The following LRBA variants were observed in gnomAD, a reference collection of about 807,000 sequenced individuals.
The protein encoded by LRBA is lipopolysaccharide-responsive and beige-like anchor protein.
In LRBA, 176 loss-of-function variants were observed where a neutral mutation model predicts 330.0. The ratio of observed to expected loss-of-function variants is 0.53; its 90% CI spans 0.47 to 0.60. The LOEUF is 0.60. Among genes scored for constraint, LRBA ranks in the 20% least tolerant of loss-of-function variants. The pLI is 0.00. For synonymous variants in LRBA, 1,230 were observed against 1,193.0 expected (o/e 1.03, Z -0.64); for missense variants, 3,259 against 3,444.8 (o/e 0.95, Z 1.35).
chr4:150,807,698 T>C (rs1743010862), intron 32 of LRBA, among the ~76,000 whole-genome samples: 1 of 152,002 alleles, frequency 6.6e-6, no homozygotes, highest in African/African-American at 2.4e-5. Flanking sequence ...CAGGCTGGAG[T>C]GCAGTGGTGC....
intron 37 of LRBA, among the ~76,000 whole-genome samples, chr4:150,654,946 T>C (rs1258749562): frequency 6.6e-6 from 1 of 152,172 alleles, no homozygotes; most frequent in Non-Finnish European, 1.5e-5. Context: ...TCTATCATTG[T>C]TGGACATTTG....
At chr4:150,395,616 G>C (rs1307101742) in intron 47 of LRBA, among the ~76,000 whole-genome samples, 1 of 151,994 alleles carries the variant, frequency 6.6e-6, no homozygotes, top group Non-Finnish European at 1.5e-5. Flanking sequence ...AGCAGTTCCT[G>C]GCTGTCTGTA....
intron 44 of LRBA, among the ~76,000 whole-genome samples, chr4:150,466,371 G>C (rs977848755): frequency 3.9e-5 from 6 of 152,082 alleles, no homozygotes; most frequent in Non-Finnish European, 7.4e-5. Flanking sequence ...GGGATCTGCA[G>C]ACACTGGGCA....
intron 28 of LRBA, among the ~76,000 whole-genome samples, chr4:150,834,174 T>C (rs2126836831): frequency 6.6e-6 from 1 of 152,320 alleles, no homozygotes; most frequent in South Asian, 2.1e-4. Flanking sequence ...AATCAATTTC[T>C]TCCAAACTCC....
At chr4:150,758,272 T>C (rs569185742) in intron 35 of LRBA, among the ~76,000 whole-genome samples, 14 of 152,306 alleles carry the variant, frequency 9.2e-5, no homozygotes, top group African/African-American at 2.6e-4. Context: ...TCCTGCTTTG[T>C]TCTAAATGAA....
chr4:150,864,444 C>T (rs749302350), intron 22 of LRBA, among the ~76,000 whole-genome samples: 2 of 151,832 alleles, frequency 1.3e-5, no homozygotes, highest in African/African-American at 2.4e-5. Context: ...AAGAAGAGTG[C>T]CATTATTTCA....
intron 47 of LRBA, among the ~76,000 whole-genome samples, chr4:150,397,048 G>A (rs940348978): frequency 2.6e-5 from 4 of 151,980 alleles, no homozygotes; most frequent in Non-Finnish European, 5.9e-5. Context: ...AAACACTGAC[G>A]CTTTAAGACA....
At chr4:150,974,940 A>C (rs1739982214) in intron 2 of LRBA, among the ~76,000 whole-genome samples, 1 of 152,250 alleles carries the variant, frequency 6.6e-6, no homozygotes. Context: ...TATAGAAAGC[A>C]GGCCAAAACT....
chr4:150,639,795 ATATATATATATGTGTGTGTGTG>A (rs1778397494), intron 37 of LRBA, among the ~76,000 whole-genome samples: 3 of 4,526 alleles, frequency 6.6e-4, no homozygotes, highest in East Asian at 9.4e-3. Flanking sequence ...GTGTGTGTAT[ATATATATATATGTGTGTGTGTG>A]TGTATATATA....
chr4:150,725,517 A>T (rs1729552174), intron 36 of LRBA, among the ~76,000 whole-genome samples: 1 of 152,226 alleles, frequency 6.6e-6, no homozygotes, highest in Admixed American at 6.5e-5. Flanking sequence ...GGAGATAAAA[A>T]GACTTTCCCA....
chr4:150,523,143 A>G (rs956809547), intron 40 of LRBA, among the ~76,000 whole-genome samples: 1 of 152,214 alleles, frequency 6.6e-6, no homozygotes, highest in Non-Finnish European at 1.5e-5. Flanking sequence ...GAAGGAGTTA[A>G]GACTTTTGGT....
At chr4:150,945,044 A>C (rs930902650) in intron 2 of LRBA, among the ~76,000 whole-genome samples, 1 of 152,064 alleles carries the variant, frequency 6.6e-6, no homozygotes, top group African/African-American at 2.4e-5. Flanking sequence ...ATTAAAACTC[A>C]CTTTCTTTAT....
chr4:150,973,326 C>A (rs758950977), intron 2 of LRBA, among the ~76,000 whole-genome samples: 37 of 152,054 alleles, frequency 2.4e-4, no homozygotes, highest in Non-Finnish European at 4.4e-4. Flanking sequence ...CGCCACCACG[C>A]CCAGCTAATT....
At chr4:150,963,215 A>ACGGTCTCCCT (rs1738370461) in intron 2 of LRBA, among the ~76,000 whole-genome samples, 1 of 140,748 alleles carries the variant, frequency 7.1e-6, no homozygotes. Context: ...TCCCCTTTGC[A>ACGGTCTCCCT]CGGTCTCCCT....
At chr4:150,993,135 T>G (rs1358747611) in intron 2 of LRBA, among the ~76,000 whole-genome samples, 1 of 151,944 alleles carries the variant, frequency 6.6e-6, no homozygotes, top group African/African-American at 2.4e-5. Flanking sequence ...AAATAAAATT[T>G]AAAGAAATTA....
chr4:150,930,345 T>C (rs1734363281), intron 2 of LRBA, among the ~76,000 whole-genome samples: 1 of 151,514 alleles, frequency 6.6e-6, no homozygotes, highest in Non-Finnish European at 1.5e-5. Flanking sequence ...TACAAAAACT[T>C]AGCCAGGCAT....
At chr4:150,486,377 G>A (rs1178105929) in intron 42 of LRBA, among the ~76,000 whole-genome samples, 1 of 151,512 alleles carries the variant, frequency 6.6e-6, no homozygotes, top group Non-Finnish European at 1.5e-5. Flanking sequence ...AGTACTTCAA[G>A]GTAGCATATT....
chr4:150,435,724 TA>T lies in LRBA; in HGVS notation c.6922-17del, dbSNP rs1276074852. Reference sequence around the variant, plus strand: ...TAAAGGGTTCCTAAAAAATAGCAATTAAAAAAATCCATATGTTCCCTCAGGC... The same window carrying T: ...TAAAGGGTTCCTAAAAAATAGCAATTAAAAAATCCATATGTTCCCTCAGGC... On this transcript the variant is annotated splice_polypyrimidine_tract_variant and intron_variant, in intron 45 of 56. Transcript: ENST00000651943. 1 of 1,587,330 alleles carries T rather than the reference TA, an allele frequency of 6.3e-7. No individual in the cohort carries two copies. Among genetic ancestry groups the T allele is most frequent in the Non-Finnish European group, 8.5e-7 (1 of 1,170,654 alleles).
Position 151,003,716 on chromosome 4 carries a change from C to T in LRBA, c.216+10711G>A, listed in dbSNP as rs182460737. On this transcript the variant is annotated intron_variant, in intron 2 of 56. Coordinates refer to ENST00000651943, the MANE Select transcript of LRBA (RefSeq NM_001364905.1). ...CTGAGGTGGGAGGATTGCTTGAGCC[C>T]GGGAGGCTGGGGTTACAGTGAGCTG... is the stretch of plus-strand genomic sequence containing the variant. Among the ~76,000 whole-genome samples, 283 of 151,982 alleles carry T rather than the reference C, an allele frequency of 1.9e-3. 4 individuals carry two copies. Among genetic ancestry groups the T allele is most frequent in the Admixed American group, 3.7e-3 (57 of 15,224 alleles).
Sources: allele counts gnomAD v4.1 joint callset (sites outside exome capture counted in the v4.1 genomes callset), GRCh38; gene constraint gnomAD v4.1.1; transcripts MANE v1.5; gene names NCBI Gene and HGNC (gene_info 2026-07-23, HGNC 2026-07-21).